KIAA1549L: variants seen among roughly 807,000 people sequenced by gnomAD.
KIAA1549L encodes UPF0606 protein KIAA1549L.
In KIAA1549L, 88 loss-of-function variants were observed where a neutral mutation model predicts 160.7. The ratio of observed to expected loss-of-function variants is 0.55; its 90% CI spans 0.46 to 0.65. The LOEUF (loss-of-function observed/expected upper bound fraction) is 0.65, where lower values mean the gene tolerates loss of function less well. Ranked by LOEUF, KIAA1549L falls within the 30% of genes least tolerant of loss-of-function variation. The pLI, the probability that KIAA1549L is intolerant of heterozygous loss-of-function variation, is 0.00. For synonymous variants in KIAA1549L, 950 were observed against 976.7 expected (o/e 0.97, Z 0.51); for missense variants, 2,258 against 2,437.5 (o/e 0.93, Z 1.55).
At chr11:33,465,935 C>G (rs1852048422) in intron 1 of KIAA1549L, among the ~76,000 whole-genome samples, 1 of 152,178 alleles carries the variant, frequency 6.6e-6, no homozygotes, top group South Asian at 2.1e-4. Context: ...TAGGCATGGA[C>G]AAGGACTTCA....
At position 33,583,408 on chromosome 11, in the gene KIAA1549L, G is replaced by T. The variant is rs2273116; in HGVS notation, c.4473G>T (p.Thr1491=). 2.9e-5 allele frequency: 46 copies of T among 1,602,220 alleles called. No homozygotes were observed. Among genetic ancestry groups the T allele is most frequent in the Non-Finnish European group, 3.6e-5 (42 of 1,174,576 alleles). Residue 1491 remains threonine (T), a synonymous_variant, in exon 11 of 21, where the codon ACG becomes ACT. Coordinates refer to ENST00000658780, the MANE Select transcript of KIAA1549L (RefSeq NM_012194.3). ...AAVLAPIAVV[T]VIIIIITAVL... is the part of the protein sequence containing the mutation. The stretch of plus-strand genomic sequence containing the variant: ...TGCTGGCGCCCATTGCCGTGGTCAC[G>T]GTCATCATCATCATCATCACTGCCG...
At chr11:33,386,763 T>G (rs1427097134) in intron 1 of KIAA1549L, among the ~76,000 whole-genome samples, 5 of 151,720 alleles carry the variant, frequency 3.3e-5, no homozygotes. Flanking sequence ...GTCTGTAGTT[T>G]TGTTTTGCTA....
intron 16 of KIAA1549L, among the ~76,000 whole-genome samples, chr11:33,640,203 A>C (rs1448882565): frequency 6.6e-6 from 1 of 152,158 alleles, no homozygotes; most frequent in East Asian, 1.9e-4. Flanking sequence ...TAAAATCATG[A>C]CCCAAACAGC....
intron 8 of KIAA1549L, among the ~76,000 whole-genome samples, chr11:33,562,580 T>A (rs1854900606): frequency 6.6e-6 from 1 of 152,130 alleles, no homozygotes; most frequent in Non-Finnish European, 1.5e-5. Context: ...CACATGCCCT[T>A]CCCTCTGGGT....
intron 16 of KIAA1549L, among the ~76,000 whole-genome samples, chr11:33,623,564 G>A (rs1434938510): frequency 1.3e-5 from 2 of 152,184 alleles, no homozygotes; most frequent in East Asian, 1.9e-4. Context: ...GGCTCCCTGG[G>A]AGAACCTGAG....
intron 1 of KIAA1549L, among the ~76,000 whole-genome samples, chr11:33,535,851 G>A (rs1318733211): frequency 1.3e-5 from 2 of 151,924 alleles, no homozygotes; most frequent in African/African-American, 4.8e-5. Context: ...TAAGTTCTCT[G>A]TAATTTGGTT....
intron 1 of KIAA1549L, among the ~76,000 whole-genome samples, chr11:33,379,405 A>G (rs1217688200): frequency 6.6e-6 from 1 of 152,012 alleles, no homozygotes; most frequent in Non-Finnish European, 1.5e-5. Flanking sequence ...CCTAACTTCC[A>G]TCTCCGTCTT....
At chr11:33,648,165 T>G (rs1851779822) in intron 17 of KIAA1549L, among the ~76,000 whole-genome samples, 1 of 151,844 alleles carries the variant, frequency 6.6e-6, no homozygotes, top group South Asian at 2.1e-4. Flanking sequence ...CAGCTTTTTT[T>G]TTGTATTTTT....
At chr11:33,644,620 C>G (rs551904937) in intron 16 of KIAA1549L, among the ~76,000 whole-genome samples, 2 of 152,354 alleles carry the variant, frequency 1.3e-5, no homozygotes, top group Non-Finnish European at 2.9e-5. Context: ...GCAGTATTAT[C>G]CTCATTTTAC....
At chr11:33,633,794 T>A (rs1851366953) in intron 16 of KIAA1549L, among the ~76,000 whole-genome samples, 1 of 152,180 alleles carries the variant, frequency 6.6e-6, no homozygotes, top group Admixed American at 6.5e-5. Context: ...CCTCTGGAGC[T>A]AGGCTACTTA....
At chr11:33,411,532 A>T (rs573311967) in intron 1 of KIAA1549L, among the ~76,000 whole-genome samples, 5 of 152,326 alleles carry the variant, frequency 3.3e-5, no homozygotes, top group East Asian at 1.9e-4. Context: ...GCTTGGCAAA[A>T]TTAAAAGTTG....
chr11:33,563,124 G>A (rs888019743), intron 8 of KIAA1549L, among the ~76,000 whole-genome samples: 6 of 151,864 alleles, frequency 4.0e-5, no homozygotes, highest in African/African-American at 1.4e-4. Context: ...TTGGGAGGCT[G>A]AGACAGTTGG....
At chr11:33,512,981 G>C (rs992701610) in intron 1 of KIAA1549L, among the ~76,000 whole-genome samples, 1 of 152,142 alleles carries the variant, frequency 6.6e-6, no homozygotes, top group African/African-American at 2.4e-5. Flanking sequence ...AGAAATCTGA[G>C]AGCCTGTAAC....
chr11:33,555,388 C>T (rs1404216869), intron 6 of KIAA1549L, among the ~76,000 whole-genome samples: 1 of 152,144 alleles, frequency 6.6e-6, no homozygotes, highest in Non-Finnish European at 1.5e-5. Context: ...GTTGGAGGTC[C>T]CATACTTCCT....
At chr11:33,382,552 G>C (rs1336789280) in intron 1 of KIAA1549L, among the ~76,000 whole-genome samples, 1 of 151,984 alleles carries the variant, frequency 6.6e-6, no homozygotes, top group African/African-American at 2.4e-5. Flanking sequence ...GTTAAGATGA[G>C]GTCTAATTAT....
At chr11:33,505,470 C>T (rs574341783) in intron 1 of KIAA1549L, among the ~76,000 whole-genome samples, 11 of 152,326 alleles carry the variant, frequency 7.2e-5, no homozygotes, top group African/African-American at 2.4e-4. Context: ...ATGATGCCCC[C>T]GTGCTTGATT....
At chr11:33,394,386 A>C (rs1450906205) in intron 1 of KIAA1549L, among the ~76,000 whole-genome samples, 1 of 111,116 alleles carries the variant, frequency 9.0e-6, no homozygotes, top group Non-Finnish European at 1.7e-5. Context: ...ATCCTAACTC[A>C]TAAATAATAA....
rs577633531 is a variant in KIAA1549L at position 33,645,811 on chromosome 11, C to T, written c.5535C>T (p.Asp1845=). 41 of 1,613,968 alleles carry T rather than the reference C, an allele frequency of 2.5e-5. 1 individual carries two copies. The highest frequency in any genetic ancestry group is 2.4e-4 in the African/African-American group (18 of 75,054). The change falls in exon 17 of 21, where the codon GAC becomes GAT. Residue 1845 remains aspartate, a synonymous_variant. Coordinates refer to ENST00000658780, the MANE Select transcript of KIAA1549L (RefSeq NM_012194.3). ...TSTLSSQPSI[D]EVRQQMHMLL... is the part of the protein sequence containing the mutation. ...CACTGAGCTCCCAGCCATCCATCGACGAGGTCAGGCAGCAGATGCACATGC... is the reference window on the plus strand; with the variant it reads ...CACTGAGCTCCCAGCCATCCATCGATGAGGTCAGGCAGCAGATGCACATGC...
At position 33,588,023 on chromosome 11, in the gene KIAA1549L, T is replaced by A. The variant is rs140549067; in HGVS notation, c.4567-3214T>A. ...GTCACATAGTCCTAGGTTCAAATGC[T>A]GACTCCATCACAGCTCTGTGAGCCT... On this transcript the variant is annotated intron_variant, in intron 11 of 20. Transcript: ENST00000658780. Among the ~76,000 whole-genome samples the A allele has an allele frequency of 5.3e-3, 811 of 152,348 alleles. 3 individuals carry two copies. Among genetic ancestry groups the A allele is most frequent in the African/African-American group, 0.019 (789 of 41,580 alleles).
Sources: gnomAD v4.1 joint callset for allele counts (sites outside exome capture counted in the v4.1 genomes callset) on GRCh38, gnomAD v4.1.1 for gene constraint, MANE v1.5 for transcripts, NCBI Gene and HGNC (gene_info 2026-07-23, HGNC 2026-07-21) for gene names.